Variants in TM2D1 observed in about 807,000 individuals in gnomAD.
TM2D1 encodes TM2 domain containing 1.
TM2D1 carries 15 observed loss-of-function variants against 28.4 expected under a neutral mutation model. The observed-to-expected ratio is 0.53, with a 90% CI of 0.35 to 0.81. TM2D1 has a LOEUF of 0.81. TM2D1 is among the 40% of genes least tolerant of loss of function. The pLI is 0.01. For missense variants in TM2D1, 236 were observed against 254.9 expected, an observed-to-expected ratio of 0.93 and a Z score of 0.50; for synonymous variants, 93 against 96.2, an observed-to-expected ratio of 0.97 and a Z score of 0.20.
chr1:61,719,616 C>T (rs1347744743), intron 2 of TM2D1, among the ~76,000 whole-genome samples: 1 of 152,156 alleles, frequency 6.6e-6, no homozygotes, highest in Non-Finnish European at 1.5e-5. Flanking sequence ...CTTCAGCCTC[C>T]CAAGTAGCTG....
At chr1:61,704,447 T>C (rs1286182020) in intron 3 of TM2D1, among the ~76,000 whole-genome samples, 1 of 152,104 alleles carries the variant, frequency 6.6e-6, no homozygotes, top group Non-Finnish European at 1.5e-5. Flanking sequence ...TTTTGTTTTT[T>C]TGAGATTTAG....
At chr1:61,701,059 C>T (rs1488535290) in intron 3 of TM2D1, 34 bp from the exon 4 acceptor site, 2 of 1,501,158 alleles carry the variant, frequency 1.3e-6, no homozygotes, top group East Asian at 2.3e-5. Context: ...ATCATATTTC[C>T]AATGTGAACA....
intron 3 of TM2D1, among the ~76,000 whole-genome samples, chr1:61,703,489 T>C (rs1644417908): frequency 6.8e-6 from 1 of 146,936 alleles, no homozygotes; most frequent in South Asian, 2.1e-4. Flanking sequence ...CTCGGCTTAT[T>C]GCAACCTCCA....
chr1:61,705,569 G>A (rs1644434605), intron 3 of TM2D1, among the ~76,000 whole-genome samples: 1 of 151,930 alleles, frequency 6.6e-6, no homozygotes, highest in Admixed American at 6.6e-5. Flanking sequence ...ACTGAGTTTT[G>A]GCCAATGGAA....
chr1:61,706,534 C>T (rs753960666), intron 3 of TM2D1, among the ~76,000 whole-genome samples: 7 of 150,506 alleles, frequency 4.7e-5, no homozygotes, highest in Admixed American at 1.3e-4. Context: ...TTAGACCAGG[C>T]GCGGTGGCTC....
intron 3 of TM2D1, among the ~76,000 whole-genome samples, chr1:61,706,803 TG>T (rs1042301224): frequency 8.6e-6 from 1 of 116,280 alleles, no homozygotes; most frequent in Non-Finnish European, 2.0e-5. Context: ...CACTCCAGCC[TG>T]GGAAACAAGG....
chr1:61,709,502 C>A, intron 2 of TM2D1, 65 bp from the exon 3 acceptor site: 1 of 1,114,794 alleles, frequency 9.0e-7, no homozygotes, highest in South Asian at 1.3e-5. Context: ...TGTAATTGTT[C>A]TAAGACTAGC....
intron 2 of TM2D1, among the ~76,000 whole-genome samples, chr1:61,710,473 T>TACACACAC (rs770499881): frequency 3.4e-5 from 3 of 88,328 alleles, no homozygotes; most frequent in Non-Finnish European, 6.3e-5. Context: ...CATATATATA[T>TACACACAC]ATACACACAC....
At chr1:61,696,710 T>C (rs1302942504) in intron 4 of TM2D1, among the ~76,000 whole-genome samples, 1 of 152,150 alleles carries the variant, frequency 6.6e-6, no homozygotes, top group African/African-American at 2.4e-5. Flanking sequence ...ACCACTTCTT[T>C]AGAGAAGTCT....
chr1:61,703,354 T>C (rs1026455255), intron 3 of TM2D1, among the ~76,000 whole-genome samples: 3 of 147,438 alleles, frequency 2.0e-5, no homozygotes, highest in African/African-American at 7.4e-5. Context: ...ATATATGACA[T>C]ATTACTATAT....
chr1:61,724,684 CAAGT>C (rs1644592126), intron 1 of TM2D1, among the ~76,000 whole-genome samples: 1 of 151,760 alleles, frequency 6.6e-6, no homozygotes, highest in African/African-American at 2.4e-5. Flanking sequence ...TTTTACTGAA[CAAGT>C]AAGCACACTG....
intron 2 of TM2D1, among the ~76,000 whole-genome samples, chr1:61,710,337 G>A (rs567244977): frequency 2.4e-4 from 35 of 148,872 alleles, no homozygotes; most frequent in African/African-American, 8.7e-4. Flanking sequence ...GAGGTGAGAG[G>A]ATCACTTGGG....
intron 4 of TM2D1, chr1:61,699,245 G>A (rs886318060): frequency 3.3e-5 from 5 of 152,112 alleles, no homozygotes; most frequent in African/African-American, 9.7e-5. Context: ...TTGGGGCAGA[G>A]CTGAGGACGG....
intron 4 of TM2D1, chr1:61,697,655 T>C (rs552300362): frequency 4.6e-5 from 7 of 152,164 alleles, no homozygotes; most frequent in South Asian, 2.1e-4. Flanking sequence ...TGTGAAACAA[T>C]CACTATAATA....
intron 2 of TM2D1, among the ~76,000 whole-genome samples, chr1:61,722,464 G>T (rs1644575002): frequency 6.6e-6 from 1 of 152,078 alleles, no homozygotes; most frequent in African/African-American, 2.4e-5. Context: ...TGCCTCCCAG[G>T]TTCAAGCAAT....
At chr1:61,684,211 T>G (rs546806263) in intron 5 of TM2D1, among the ~76,000 whole-genome samples, 6 of 152,246 alleles carry the variant, frequency 3.9e-5, no homozygotes, top group African/African-American at 1.2e-4. Flanking sequence ...TAAATTACCC[T>G]CTAAGGTAGC....
chr1:61,702,463 G>A (rs1475916332), intron 3 of TM2D1, among the ~76,000 whole-genome samples: 1 of 150,730 alleles, frequency 6.6e-6, no homozygotes, highest in Non-Finnish European at 1.5e-5. Context: ...CTGCCTCCCA[G>A]GTTCAAGCGA....
intron 6 of TM2D1, among the ~76,000 whole-genome samples, chr1:61,682,036 C>G (rs990491513): frequency 3.9e-5 from 6 of 152,068 alleles, no homozygotes; most frequent in Non-Finnish European, 7.4e-5. Flanking sequence ...GAATAAATTC[C>G]TTACATCTTG....
chr1:61,709,879 T>C (rs1235922317), intron 2 of TM2D1, among the ~76,000 whole-genome samples: 1 of 152,212 alleles, frequency 6.6e-6, no homozygotes, highest in East Asian at 1.9e-4. Flanking sequence ...TTATAGATAA[T>C]TGTTGCCATA....
Sources: gnomAD v4.1 joint callset for allele counts (sites outside exome capture counted in the v4.1 genomes callset) on GRCh38, gnomAD v4.1.1 for gene constraint, MANE v1.5 for transcripts, NCBI Gene and HGNC (gene_info 2026-07-23, HGNC 2026-07-21) for gene names.